PTPRD: variants seen among roughly 807,000 people sequenced by gnomAD.
The protein encoded by PTPRD is receptor-type tyrosine-protein phosphatase delta.
Under a neutral mutation model 214.5 loss-of-function variants are expected in PTPRD, and 34 were observed. That is an observed-to-expected ratio of 0.16 (90% CI 0.12 to 0.21). The LOEUF (loss-of-function observed/expected upper bound fraction) is 0.21. Ranked by LOEUF, PTPRD falls within the 10% of genes least tolerant of loss-of-function variation. PTPRD has a pLI of 1.00. For missense variants in PTPRD, 2,545 were observed against 2,398.7 expected, an observed-to-expected ratio of 1.06 and a Z score of -1.27; for synonymous variants, 1,128 against 845.7, an observed-to-expected ratio of 1.33 and a Z score of -5.79.
intron 2 of PTPRD, among the ~76,000 whole-genome samples, chr9:10,470,638 TAAC>T (rs1052755301): frequency 6.6e-6 from 1 of 152,084 alleles, no homozygotes; most frequent in African/African-American, 2.4e-5. Flanking sequence ...GTAGGTTATT[TAAC>T]AACATTTTTG....
intron 11 of PTPRD, among the ~76,000 whole-genome samples, chr9:8,909,663 T>A (rs7854826): frequency 2.2e-4 from 33 of 151,788 alleles, no homozygotes. Flanking sequence ...AACGGAATGC[T>A]TTTCTCCTAA....
At chr9:9,563,985 G>A (rs751251174) in intron 8 of PTPRD, among the ~76,000 whole-genome samples, 8 of 152,158 alleles carry the variant, frequency 5.3e-5, no homozygotes, top group Non-Finnish European at 2.9e-5. Context: ...AAGACATGTT[G>A]GCCTAGGTTC....
intron 3 of PTPRD, among the ~76,000 whole-genome samples, chr9:10,255,222 A>G (rs2498613): frequency 0.16 from 23,951 of 152,148 alleles, 1,997 homozygotes; most frequent in African/African-American, 0.2. Context: ...TGAGAAATGC[A>G]TTATTAGGCA....
chr9:9,469,265 G>C (rs1267731739), intron 8 of PTPRD, among the ~76,000 whole-genome samples: 2 of 152,010 alleles, frequency 1.3e-5, no homozygotes, highest in East Asian at 1.9e-4. Flanking sequence ...GCAGCTATTA[G>C]AAAATTTAAA....
rs1564367589 is a variant in PTPRD at position 8,373,860 on chromosome 9, G to GTA, written c.4661+2075_4661+2076insTA. Among the ~76,000 whole-genome samples, 211 of 75,414 alleles carry GTA rather than the reference G, an allele frequency of 2.8e-3. 1 individual carries two copies. Among genetic ancestry groups the GTA allele is most frequent in the African/African-American group, 0.015 (186 of 12,056 alleles). 49.5% of individuals were successfully genotyped at this position (75,414 alleles called of 152,430 possible). A position where few individuals can be genotyped will look rare whatever the true frequency, so the allele number is the denominator to read the frequency against. On this transcript the variant is annotated intron_variant, in intron 39 of 45. Coordinates refer to ENST00000381196, the MANE Select transcript of PTPRD (RefSeq NM_002839.4). ...TGTATGTATGTATGTGTATGTGTCT[G>GTA]TCTGTCTATCTATCTATCTATCTAT...
chr9:9,157,404 A>G (rs893482838), intron 10 of PTPRD, among the ~76,000 whole-genome samples: 1 of 152,090 alleles, frequency 6.6e-6, no homozygotes, highest in African/African-American at 2.4e-5. Flanking sequence ...AAAAAAGAAT[A>G]CTCAAATAAA....
At chr9:10,208,342 G>A (rs560842134) in intron 3 of PTPRD, among the ~76,000 whole-genome samples, 14 of 152,232 alleles carry the variant, frequency 9.2e-5, no homozygotes, top group South Asian at 2.1e-4. Context: ...GTGAAACCCC[G>A]TCTCTACTAA....
intron 12 of PTPRD, among the ~76,000 whole-genome samples, chr9:8,642,654 G>A (rs954474108): frequency 1.3e-5 from 2 of 150,080 alleles, no homozygotes; most frequent in African/African-American, 4.9e-5. Flanking sequence ...CATAGCAGAA[G>A]AGTGAGGGGT....
chr9:9,352,255 A>G (rs2051527341), intron 9 of PTPRD, among the ~76,000 whole-genome samples: 1 of 151,362 alleles, frequency 6.6e-6, no homozygotes, highest in South Asian at 2.1e-4. Context: ...CCAGCTTTGT[A>G]TTGCTGGAAA....
At chr9:9,167,598 T>C (rs2130818098) in intron 10 of PTPRD, among the ~76,000 whole-genome samples, 1 of 151,772 alleles carries the variant, frequency 6.6e-6, no homozygotes, top group Non-Finnish European at 1.5e-5. Flanking sequence ...CTACTAAAAA[T>C]ACAAAAATTA....
intron 2 of PTPRD, among the ~76,000 whole-genome samples, chr9:10,477,401 C>A (rs1589060334): frequency 6.6e-6 from 1 of 152,044 alleles, no homozygotes; most frequent in East Asian, 1.9e-4. Context: ...CAGTGGTCAT[C>A]AGAGAAATGC....
intron 44 of PTPRD, among the ~76,000 whole-genome samples, chr9:8,331,337 T>C (rs1011243410): frequency 3.2e-4 from 49 of 152,194 alleles, no homozygotes; most frequent in African/African-American, 1.1e-3. Context: ...ATTGGTAATT[T>C]GGTTTGTCTA....
At chr9:9,495,126 A>T (rs2096112451) in intron 8 of PTPRD, among the ~76,000 whole-genome samples, 1 of 152,104 alleles carries the variant, frequency 6.6e-6, no homozygotes. Context: ...GAAACAATGA[A>T]CTTAGACCCC....
chr9:10,508,792 C>G (rs977547602), intron 2 of PTPRD, among the ~76,000 whole-genome samples: 1 of 151,364 alleles, frequency 6.6e-6, no homozygotes. Flanking sequence ...TGGGGCCTGT[C>G]GTGGGGTGGG....
At chr9:10,104,296 G>C (rs969679978) in intron 3 of PTPRD, among the ~76,000 whole-genome samples, 1 of 151,660 alleles carries the variant, frequency 6.6e-6, no homozygotes, top group African/African-American at 2.4e-5. Flanking sequence ...GAACTGTATA[G>C]TTACAAATGG....
intron 6 of PTPRD, among the ~76,000 whole-genome samples, chr9:9,763,043 G>A (rs923730631): frequency 1.3e-5 from 2 of 152,182 alleles, no homozygotes; most frequent in Non-Finnish European, 2.9e-5. Context: ...GAGGGAAAGA[G>A]AGAGCGATCT....
rs371070620 is a variant in PTPRD, at chr9:9,377,327, G to C, written c.-203+20122C>G. Reference sequence around the variant, plus strand: ...ATACGTCTTGTGCTAATTCTTCCTGGTATAGAATGCCACAAATAAGATGTT... The same window carrying C: ...ATACGTCTTGTGCTAATTCTTCCTGCTATAGAATGCCACAAATAAGATGTT... On this transcript the variant is annotated intron_variant, in intron 9 of 45. Coordinates refer to ENST00000381196, the MANE Select transcript of PTPRD (RefSeq NM_002839.4). 1.3e-4 allele frequency among the ~76,000 whole-genome samples: 20 copies of C among 152,064 alleles called. No homozygotes were observed. The East Asian group carries it at 3.5e-3, about 27-fold the overall frequency.
At chr9:9,809,525 A>G (rs942054786) in intron 5 of PTPRD, among the ~76,000 whole-genome samples, 4 of 152,094 alleles carry the variant, frequency 2.6e-5, no homozygotes, top group African/African-American at 9.7e-5. Flanking sequence ...CGGCCTCCCA[A>G]AGTGCTGGGA....
chr9:9,865,457 C>T (rs911945284), intron 5 of PTPRD, among the ~76,000 whole-genome samples: 8 of 152,110 alleles, frequency 5.3e-5, no homozygotes, highest in African/African-American at 1.9e-4. Flanking sequence ...GTGCTCAGCC[C>T]CTTTGCCATG....
Sources: allele counts gnomAD v4.1 joint callset (sites outside exome capture counted in the v4.1 genomes callset), GRCh38; gene constraint gnomAD v4.1.1; transcripts MANE v1.5; gene names NCBI Gene and HGNC (gene_info 2026-07-23, HGNC 2026-07-21).